The following FGFR1 variants were observed in gnomAD, a reference collection of about 807,000 sequenced individuals.
The protein encoded by FGFR1 is FGFR1/PLAG1 fusion.
In FGFR1, 18 loss-of-function variants were observed where a neutral mutation model predicts 93.7. The observed-to-expected ratio is 0.19, with a 90% CI of 0.13 to 0.28. The LOEUF is 0.28. Ranked by LOEUF, FGFR1 falls within the 10% of genes least tolerant of loss-of-function variation. The probability of loss-of-function intolerance (pLI) is 1.00; values close to 1 mark genes in which losing one functional copy is unlikely to be tolerated. For missense variants in FGFR1, 731 were observed against 1,080.4 expected, an observed-to-expected ratio of 0.68 and a Z score of 4.53; for synonymous variants, 448 against 429.3, an observed-to-expected ratio of 1.04 and a Z score of -0.54.
In FGFR1 at chr8:38,412,774, G is replaced by A. The variant is rs2150490697; in HGVS notation, c.*854C>T. 1 of 233,512 alleles carries A rather than the reference G, an allele frequency of 4.3e-6. No homozygotes were observed. The highest frequency in any genetic ancestry group is 6.0e-5 in the East Asian group (1 of 16,570). 14.5% of individuals were successfully genotyped at this position (233,512 alleles called of 1,614,324 possible). A position where few individuals can be genotyped will look rare whatever the true frequency, so the allele number is the denominator to read the frequency against. ...ATTGAGGGACCTAAACTGAAAATAG[G>A]TTTAGAACATAATTTAAAAAAATAA... is the stretch of plus-strand genomic sequence containing the variant. On this transcript the variant is annotated 3_prime_UTR_variant, in exon 18 of 18. Transcript: ENST00000447712.
rs180856984 is a variant in FGFR1 at position 38,452,739 on chromosome 8, G to A, written c.91+4617C>T. On this transcript the variant is annotated intron_variant, in intron 2 of 17. Transcript: ENST00000447712. ...CACCTGTAATCCCAGCACTTTGGGA[G>A]GCCGAGGTGGGCAGATCATGAGGTC... 4.9e-4 allele frequency among the ~76,000 whole-genome samples: 75 copies of A among 152,220 alleles called. 1 individual carries two copies. The East Asian group carries it at 0.014, about 28-fold the overall frequency.
chr8:38,451,956 T>A (rs903796957), intron 2 of FGFR1, among the ~76,000 whole-genome samples: 3 of 151,690 alleles, frequency 2.0e-5, no homozygotes, highest in African/African-American at 7.3e-5. Context: ...TCCAAACAAC[T>A]CCCTCACCAC....
chr8:38,424,321 A>G lies in FGFR1; in HGVS notation c.936+188T>C. The stretch of plus-strand genomic sequence containing the variant: ...AGCCCTCTGTTCCCAGCTCACCTCC[A>G]CTTTGTGACCTCTGTTACTAGTCCT... On this transcript the variant is annotated intron_variant, in intron 7 of 17. Coordinates refer to ENST00000447712, the MANE Select transcript of FGFR1 (RefSeq NM_023110.3). This position sits in a 1 kb window ranked among gnomAD's most constrained non-coding sequence, Gnocchi z 4.3. The G allele has an allele frequency of 1.3e-6, 1 of 746,570 alleles. No homozygotes were observed. 46.2% of individuals were successfully genotyped at this position (746,570 alleles called of 1,614,324 possible).
chr8:38,425,764 G>A (rs988611900), intron 6 of FGFR1, among the ~76,000 whole-genome samples: 2 of 152,184 alleles, frequency 1.3e-5, no homozygotes, highest in African/African-American at 4.8e-5. Flanking sequence ...TGTGCCATGA[G>A]CATTACAGGG....
chr8:38,440,060 A>G (rs562263764), intron 2 of FGFR1, among the ~76,000 whole-genome samples: 2 of 152,222 alleles, frequency 1.3e-5, no homozygotes, highest in South Asian at 4.1e-4. Context: ...CTGAGTTAAG[A>G]AAATTAGGAG....
intron 7 of FGFR1, chr8:38,423,150 G>A (rs750947807): frequency 4.2e-5 from 33 of 779,292 alleles, no homozygotes; most frequent in Middle Eastern, 4.5e-4. Context: ...CAGCACCTCC[G>A]CATCCGAGCT....
Position 38,421,776 on chromosome 8 carries a change from AG to A in FGFR1, c.1081+20del. 6.2e-7 allele frequency: 1 copy of A among 1,613,810 alleles called. No individual in the cohort carries two copies. The highest frequency in any genetic ancestry group is 1.1e-5 in the South Asian group (1 of 91,076). ...CCCGTGGCGAGGGCAGGACATCGAG[AG>A]GAGAAGTTACAGTGTGTACCTTCCA... On this transcript the variant is annotated intron_variant, in intron 8 of 17. Transcript: ENST00000447712.
chr8:38,440,479 G>A, intron 2 of FGFR1: 3 of 880,632 alleles, frequency 3.4e-6, no homozygotes. Context: ...GGTATGTGTG[G>A]AAAGAGAGCC....
intron 2 of FGFR1, among the ~76,000 whole-genome samples, chr8:38,449,632 G>A (rs1326856818): frequency 2.0e-5 from 3 of 151,612 alleles, no homozygotes; most frequent in Non-Finnish European, 4.4e-5. Context: ...CATGTCCAGG[G>A]CCTGGGAACA....
At chr8:38,462,617 T>C (rs1834654355) in intron 1 of FGFR1, among the ~76,000 whole-genome samples, 1 of 152,110 alleles carries the variant, frequency 6.6e-6, no homozygotes, top group East Asian at 1.9e-4. Context: ...TCTTTCTTCC[T>C]TTCTTTTTTT....
chr8:38,461,994 T>C (rs1834499741), intron 1 of FGFR1, among the ~76,000 whole-genome samples: 1 of 152,210 alleles, frequency 6.6e-6, no homozygotes, highest in Non-Finnish European at 1.5e-5. Context: ...TCTTATATTC[T>C]AGACCTGTGG....
intron 2 of FGFR1, among the ~76,000 whole-genome samples, chr8:38,433,408 T>C (rs1824029838): frequency 6.6e-6 from 1 of 152,124 alleles, no homozygotes; most frequent in African/African-American, 2.4e-5. Flanking sequence ...CCTCCCAGGT[T>C]CAAGCCATTT....
intron 1 of FGFR1, among the ~76,000 whole-genome samples, chr8:38,467,297 T>C (rs2151497821): frequency 6.6e-6 from 1 of 150,938 alleles, no homozygotes; most frequent in East Asian, 2.0e-4. Context: ...CGTTTTTCGC[T>C]CTCAGCTCAA....
chr8:38,448,864 A>G (rs1407675020), intron 2 of FGFR1, among the ~76,000 whole-genome samples: 1 of 152,210 alleles, frequency 6.6e-6, no homozygotes, highest in African/African-American at 2.4e-5. Flanking sequence ...GTGAGGCAGA[A>G]GAATCGCTAG....
At chr8:38,460,044 G>A (rs1488631306) in intron 1 of FGFR1, among the ~76,000 whole-genome samples, 2 of 152,168 alleles carry the variant, frequency 1.3e-5, no homozygotes, top group African/African-American at 4.8e-5. Context: ...TTAGCTGGGT[G>A]TGGTGGTGCA....
At chr8:38,440,251 C>A in intron 2 of FGFR1, 1 of 1,514,910 alleles carries the variant, frequency 6.6e-7, no homozygotes, top group South Asian at 1.2e-5. Flanking sequence ...CGGGGGCCCT[C>A]TGCAGAGGTT....
chr8:38,461,510 T>C (rs1206879041), intron 1 of FGFR1, among the ~76,000 whole-genome samples: 1 of 152,162 alleles, frequency 6.6e-6, no homozygotes, highest in African/African-American at 2.4e-5. Flanking sequence ...GGTCTCACCA[T>C]GTTGCCCATG....
chr8:38,452,180 GACAGACAC>G (rs1262266979), intron 2 of FGFR1, among the ~76,000 whole-genome samples: 88 of 139,200 alleles, frequency 6.3e-4, no homozygotes, highest in African/African-American at 2.0e-3. Flanking sequence ...AGGGGCTCCC[GACAGACAC>G]ACAGACACAC....
chr8:38,444,512 C>A (rs534698543), intron 2 of FGFR1, among the ~76,000 whole-genome samples: 250 of 151,718 alleles, frequency 1.6e-3, no homozygotes, highest in African/African-American at 5.5e-3. Context: ...CCTCAGCCCC[C>A]CAAGCAGCTG....
Sources: gnomAD v4.1 joint callset for allele counts (sites outside exome capture counted in the v4.1 genomes callset) on GRCh38, gnomAD v4.1.1 for gene constraint, Gnocchi (gnomAD v3.1) non-coding constraint, MANE v1.5 for transcripts, NCBI Gene and HGNC (gene_info 2026-07-23, HGNC 2026-07-21) for gene names.